SLC8B1: variants seen among roughly 807,000 people sequenced by gnomAD.
SLC8B1 encodes mitochondrial sodium/calcium exchanger protein.
In SLC8B1, 52 loss-of-function variants were observed where a neutral mutation model predicts 63.4. The ratio of observed to expected loss-of-function variants is 0.82; its 90% CI spans 0.66 to 1.03. SLC8B1 has a LOEUF of 1.03. SLC8B1 is among the 50% of genes least tolerant of loss of function. The probability of loss-of-function intolerance (pLI) is 0.00; values close to 1 mark genes in which losing one functional copy is unlikely to be tolerated. For synonymous variants in SLC8B1, 336 were observed against 323.9 expected, an observed-to-expected ratio of 1.04 and a Z score of -0.40; for missense variants, 657 against 741.7, an observed-to-expected ratio of 0.89 and a Z score of 1.33.
At chr12:113,310,207 C>A (rs182446813) in intron 12 of SLC8B1, 27 bp downstream of exon 12, 523 of 1,609,038 alleles carry the variant, frequency 3.3e-4, no homozygotes, top group Admixed American at 7.3e-4. Context: ...CCCTCCCCCC[C>A]CATCTCGGAG....
In SLC8B1 at chr12:113,332,769, C is replaced by T. The variant is rs764606746; in HGVS notation, c.110G>A (p.Ser37Asn). 1 of 1,614,046 alleles carries T rather than the reference C, an allele frequency of 6.2e-7. No individual in the cohort carries two copies. The highest frequency in any genetic ancestry group is 1.3e-5 in the African/African-American group (1 of 74,950). ...CACACCTGAAGCTGGAAACTGGGGGCTAATGTGAGCTCCTGTAGACGAGCC... is the reference window on the plus strand; with the variant it reads ...CACACCTGAAGCTGGAAACTGGGGGTTAATGTGAGCTCCTGTAGACGAGCC... The part of the protein sequence containing the change: ...TRGSSTGAHI[S>N]PQFPASGVNQ... Residue 37 changes from serine to asparagine, a missense_variant, in exon 2 of 16, where the codon AGC becomes AAC. Transcript: ENST00000680972.
At chr12:113,303,087 CTT>C (rs1956617477) in intron 15 of SLC8B1, among the ~76,000 whole-genome samples, 1 of 149,450 alleles carries the variant, frequency 6.7e-6, no homozygotes, top group African/African-American at 2.5e-5. Flanking sequence ...CACACACACA[CTT>C]CCTAAACTCA....
At chr12:113,312,154 C>T (rs1224639598) in intron 11 of SLC8B1, among the ~76,000 whole-genome samples, 1 of 152,040 alleles carries the variant, frequency 6.6e-6, no homozygotes, top group African/African-American at 2.4e-5. Flanking sequence ...GAGGCCTTGG[C>T]TGGGTGCGGT....
intron 14 of SLC8B1, among the ~76,000 whole-genome samples, 186 bp from the exon 15 acceptor site, chr12:113,304,571 AG>A (rs1450358846): frequency 1.3e-5 from 2 of 152,118 alleles, no homozygotes; most frequent in Non-Finnish European, 2.9e-5. Context: ...GGATCACTAG[AG>A]GCCAGGAGTT....
Position 113,320,961 on chromosome 12 carries a change from C to T in SLC8B1, c.363-54G>A. On this transcript the variant is annotated intron_variant, in intron 4 of 15. Coordinates refer to ENST00000680972, the MANE Select transcript of SLC8B1 (RefSeq NM_001358345.2). The surrounding 1 kb of genome is among the most constrained non-coding windows in gnomAD (Gnocchi z 5.3). Reference sequence around the variant, plus strand: ...TTCCGTAGTAACCGGCCCCGGACCCCTATCCTTCCCCCAAACTGAGGGTGA... The same window carrying T: ...TTCCGTAGTAACCGGCCCCGGACCCTTATCCTTCCCCCAAACTGAGGGTGA... The T allele has an allele frequency of 6.3e-7, 1 of 1,590,344 alleles. No individual in the cohort carries two copies. The highest frequency in any genetic ancestry group is 8.6e-7 in the Non-Finnish European group (1 of 1,169,244).
intron 2 of SLC8B1, among the ~76,000 whole-genome samples, chr12:113,325,381 G>A (rs775430361): frequency 9.3e-4 from 141 of 152,124 alleles, no homozygotes; most frequent in Non-Finnish European, 1.6e-3. Flanking sequence ...TGCCTCCCAA[G>A]TAGCTGGGAC....
Position 113,299,627 on chromosome 12 carries a change from C to T in SLC8B1, c.*150G>A. The stretch of plus-strand genomic sequence containing the variant: ...AAGAGGTACACAGCAGTTCTCCCAG[C>T]TCACAGCAGTGACCTCAGATCTCCA... On this transcript the variant is annotated 3_prime_UTR_variant, in exon 16 of 16. Coordinates refer to ENST00000680972, the MANE Select transcript of SLC8B1 (RefSeq NM_001358345.2). 1 of 717,614 alleles carries T rather than the reference C, an allele frequency of 1.4e-6. No individual in the cohort carries two copies. Among genetic ancestry groups the T allele is most frequent in the Non-Finnish European group, 2.4e-6 (1 of 419,428 alleles). 44.5% of individuals were successfully genotyped at this position (717,614 alleles called of 1,614,324 possible).
chr12:113,320,456 G>T lies in SLC8B1; in HGVS notation c.569C>A (p.Thr190Asn). ...LVTTVVAGGI[T>N]ILHPFMAASR... ...GGCAGCCATGAAGGGGTGTAGGATG[G>T]TAATGCCTCCGGCCACCACTGTGGT... The change falls in exon 7 of 16, where the codon ACC becomes AAC. Residue 190 changes from threonine (T) to asparagine (N), a missense_variant. Coordinates refer to ENST00000680972, the MANE Select transcript of SLC8B1 (RefSeq NM_001358345.2). This position sits in a 1 kb window ranked among gnomAD's most constrained non-coding sequence, Gnocchi z 5.3. 6.2e-7 allele frequency: 1 copy of T among 1,614,160 alleles called. No individual in the cohort carries two copies. The highest frequency in any genetic ancestry group is 8.5e-7 in the Non-Finnish European group (1 of 1,180,028).
At chr12:113,332,577 T>C (rs1957070474) in intron 2 of SLC8B1, 146 bp downstream of exon 2, 5 of 989,142 alleles carry the variant, frequency 5.1e-6, no homozygotes. Flanking sequence ...TGTCAGCTTC[T>C]TGAGAGTAGT....
intron 2 of SLC8B1, among the ~76,000 whole-genome samples, chr12:113,325,669 A>G (rs1052514397): frequency 1.3e-5 from 2 of 150,182 alleles, no homozygotes; most frequent in Non-Finnish European, 3.0e-5. Context: ...GGTTCACACC[A>G]TTCTCCTGCC....
At position 113,300,990 on chromosome 12, in the gene SLC8B1, G is replaced by T. The variant is rs7958595; in HGVS notation, c.1558-1016C>A. Among the ~76,000 whole-genome samples, 706 of 152,124 alleles carry T rather than the reference G, an allele frequency of 4.6e-3. 7 individuals are homozygous for T. Among genetic ancestry groups the T allele is most frequent in the African/African-American group, 0.016 (668 of 41,512 alleles). On this transcript the variant is annotated intron_variant, in intron 15 of 15. Coordinates refer to ENST00000680972, the MANE Select transcript of SLC8B1 (RefSeq NM_001358345.2). The stretch of plus-strand genomic sequence containing the variant: ...GTCTCTATTAAAAATACCAAAATTA[G>T]CCAGGTGTGGTAGCACATGCCTGTA...
chr12:113,311,188 C>T (rs566163296), intron 11 of SLC8B1, among the ~76,000 whole-genome samples: 123 of 152,292 alleles, frequency 8.1e-4, no homozygotes, highest in African/African-American at 2.9e-3. Context: ...CGGTGGCTCA[C>T]ACCTGTAATC....
At chr12:113,329,445 C>T (rs1029566271) in intron 2 of SLC8B1, among the ~76,000 whole-genome samples, 5 of 152,154 alleles carry the variant, frequency 3.3e-5, no homozygotes, top group Non-Finnish European at 5.9e-5. Flanking sequence ...AGGGAGTCAC[C>T]CCATCTCCCT....
At chr12:113,312,632 G>A (rs775451584) in intron 11 of SLC8B1, among the ~76,000 whole-genome samples, 2 of 152,170 alleles carry the variant, frequency 1.3e-5, no homozygotes, top group African/African-American at 2.4e-5. Context: ...CAGCCCAGAC[G>A]GGGGTCAAGA....
In SLC8B1 at chr12:113,320,511, G is replaced by A; in HGVS notation, c.527-13C>T. ...AGCACGCCAGCGCCTGGGGGGAGGA[G>A]GCCAGAGCTCAGCCACCCTGCACCC... is the stretch of plus-strand genomic sequence containing the variant. On this transcript the variant is annotated splice_polypyrimidine_tract_variant and intron_variant, in intron 6 of 15. Coordinates refer to ENST00000680972, the MANE Select transcript of SLC8B1 (RefSeq NM_001358345.2). This position sits in a 1 kb window ranked among gnomAD's most constrained non-coding sequence, Gnocchi z 5.3. 6.2e-7 allele frequency: 1 copy of A among 1,614,038 alleles called. No individual in the cohort carries two copies. The highest frequency in any genetic ancestry group is 8.5e-7 in the Non-Finnish European group (1 of 1,179,998).
chr12:113,316,405 T>A, intron 10 of SLC8B1, 121 bp downstream of exon 10: 4 of 1,281,866 alleles, frequency 3.1e-6, no homozygotes, highest in Non-Finnish European at 4.3e-6. Flanking sequence ...TCACAAGTCA[T>A]GTATTCTGAG....
intron 15 of SLC8B1, 129 bp from the exon 16 acceptor site, chr12:113,300,103 GC>G: frequency 1.5e-6 from 1 of 678,176 alleles, no homozygotes; most frequent in South Asian, 1.8e-5. Flanking sequence ...CAGCAACAAT[GC>G]AGCCTCAGCA....
intron 11 of SLC8B1, among the ~76,000 whole-genome samples, chr12:113,311,449 C>CA (rs796106526): frequency 0.015 from 2,070 of 141,722 alleles, 44 homozygotes; most frequent in African/African-American, 0.046. Context: ...GACTCCATCT[C>CA]AAAAAAAAAA....
chr12:113,303,114 G>GACAC (rs57763094), intron 15 of SLC8B1, among the ~76,000 whole-genome samples: 2,202 of 140,922 alleles, frequency 0.016, 50 homozygotes, highest in African/African-American at 0.051. Context: ...AAAGGCGGTG[G>GACAC]ACACACACAC....
Sources: gnomAD v4.1 joint callset for allele counts (sites outside exome capture counted in the v4.1 genomes callset) on GRCh38, gnomAD v4.1.1 for gene constraint, Gnocchi (gnomAD v3.1) non-coding constraint, MANE v1.5 for transcripts, NCBI Gene and HGNC (gene_info 2026-07-23, HGNC 2026-07-21) for gene names.